The following PTGR1 variants were observed in gnomAD, a reference collection of about 807,000 sequenced individuals.
PTGR1 encodes prostaglandin reductase 1, also known as 15-oxoprostaglandin 13-reductase.
In PTGR1, 23 loss-of-function variants were observed where a neutral mutation model predicts 37.7. The ratio of observed to expected loss-of-function variants is 0.61; its 90% CI spans 0.44 to 0.86. PTGR1 has a LOEUF of 0.86. PTGR1 is among the 40% of genes least tolerant of loss of function. PTGR1 has a pLI of 0.00. For missense variants in PTGR1, 351 were observed against 394.3 expected, an observed-to-expected ratio of 0.89 and a Z score of 0.93; for synonymous variants, 134 against 140.0, an observed-to-expected ratio of 0.96 and a Z score of 0.30.
At chr9:111,580,439 C>A (rs2132400109) in intron 6 of PTGR1, among the ~76,000 whole-genome samples, 1 of 152,232 alleles carries the variant, frequency 6.6e-6, no homozygotes, top group South Asian at 2.1e-4. Context: ...TTTTCTTCCT[C>A]TTTTTTAACC....
chr9:111,572,756 CAAAAAAAA>C (rs58101079), intron 8 of PTGR1, among the ~76,000 whole-genome samples: 23 of 63,498 alleles, frequency 3.6e-4, no homozygotes, highest in East Asian at 2.0e-3. Context: ...GACCCTGTCT[CAAAAAAAA>C]AAAAAAAAAA....
At chr9:111,596,568 C>G (rs1829786278) in intron 2 of PTGR1, among the ~76,000 whole-genome samples, 1 of 148,432 alleles carries the variant, frequency 6.7e-6, no homozygotes, top group South Asian at 2.2e-4. Flanking sequence ...CTGGCCAACA[C>G]AGTGAAACTC....
intron 9 of PTGR1, among the ~76,000 whole-genome samples, chr9:111,555,698 C>G (rs973973822): frequency 1.3e-5 from 2 of 152,096 alleles, no homozygotes; most frequent in Non-Finnish European, 2.9e-5. Flanking sequence ...CTACACACTT[C>G]TAAACAACCA....
At chr9:111,594,177 C>T in intron 3 of PTGR1, 45 bp downstream of exon 3, 3 of 1,540,194 alleles carry the variant, frequency 1.9e-6, no homozygotes, top group Non-Finnish European at 1.8e-6. Flanking sequence ...TTCCAGATAG[C>T]ATTTAACACA....
chr9:111,591,991 A>G (rs1394901959), intron 4 of PTGR1, among the ~76,000 whole-genome samples: 1 of 152,180 alleles, frequency 6.6e-6, no homozygotes, highest in African/African-American at 2.4e-5. Context: ...CAAGATTCCT[A>G]TGCCAGAAAT....
At chr9:111,593,414 T>C (rs560978531) in intron 3 of PTGR1, among the ~76,000 whole-genome samples, 3 of 152,260 alleles carry the variant, frequency 2.0e-5, no homozygotes, top group African/African-American at 4.8e-5. Flanking sequence ...CAATCAGCTA[T>C]GAAAAAAATG....
At chr9:111,581,359 C>A (rs1053702780) in intron 6 of PTGR1, among the ~76,000 whole-genome samples, 48 of 152,214 alleles carry the variant, frequency 3.2e-4, no homozygotes, top group Middle Eastern at 3.4e-3. Flanking sequence ...AAGAAGAAAA[C>A]TGTTCTTCAT....
Position 111,578,968 on chromosome 9 carries a change from A to T in PTGR1, c.496-17T>A. The T allele has an allele frequency of 6.4e-7, 1 of 1,571,018 alleles. No homozygotes were observed. Among genetic ancestry groups the T allele is most frequent in the African/African-American group, 1.4e-5 (1 of 71,612 alleles). On this transcript the variant is annotated splice_polypyrimidine_tract_variant and intron_variant, in intron 6 of 9. Transcript: ENST00000407693. Reference sequence around the variant, plus strand: ...TTTGCAGCCCTAAGTAGAAAAAAAAAAAAAAAGGAAACCATGAATAAGTCA... The same window carrying T: ...TTTGCAGCCCTAAGTAGAAAAAAAATAAAAAAGGAAACCATGAATAAGTCA...
chr9:111,591,015 G>A (rs2132431440), intron 4 of PTGR1, among the ~76,000 whole-genome samples: 1 of 152,248 alleles, frequency 6.6e-6, no homozygotes, highest in Admixed American at 6.5e-5. Flanking sequence ...ATATAGGCCG[G>A]GCACGGTGGC....
chr9:111,552,216 T>C (rs1358111836), intron 9 of PTGR1, among the ~76,000 whole-genome samples: 1 of 152,208 alleles, frequency 6.6e-6, no homozygotes, highest in Non-Finnish European at 1.5e-5. Flanking sequence ...GTACAGGAAA[T>C]CCTTATAAAA....
chr9:111,549,722 T>C, exon 10 of PTGR1: 6 of 1,548,154 alleles, frequency 3.9e-6, no homozygotes, highest in Non-Finnish European at 5.2e-6. Context: ...CCTTGCCTTC[T>C]AAGGTAATGG....
chr9:111,599,518 G>C (rs1829881212), intron 1 of PTGR1, 85 bp downstream of exon 1: 2 of 152,494 alleles, frequency 1.3e-5, no homozygotes, highest in South Asian at 2.1e-4. Context: ...TCCTCCACTG[G>C]GGCGTCTAGA....
chr9:111,562,979 T>C lies in PTGR1; in HGVS notation c.*142A>G. 7.0e-7 allele frequency: 1 copy of C among 1,423,186 alleles called. No individual in the cohort carries two copies. The highest frequency in any genetic ancestry group is 9.2e-7 in the Non-Finnish European group (1 of 1,091,736). The allele number at this position is 1,423,186 out of a possible 1,614,324, so 88.2% of individuals were successfully genotyped here. On this transcript the variant is annotated 3_prime_UTR_variant, in exon 10 of 10. Transcript: ENST00000407693. ...CCTCCATCACTAATTACATACCACT[T>C]AAATGTATTTTATTAAGTAGCTCAA... is the stretch of plus-strand genomic sequence containing the variant.
intron 6 of PTGR1, among the ~76,000 whole-genome samples, chr9:111,582,636 C>T (rs1829317311): frequency 6.6e-6 from 1 of 152,208 alleles, no homozygotes; most frequent in South Asian, 2.1e-4. Flanking sequence ...ATAAATGCCG[C>T]AATGGCATTT....
intron 9 of PTGR1, among the ~76,000 whole-genome samples, chr9:111,556,424 TC>T (rs1347104514): frequency 3.3e-5 from 5 of 152,346 alleles, no homozygotes; most frequent in African/African-American, 1.2e-4. Flanking sequence ...TGTAGGGGGC[TC>T]CATCCCCATG....
At chr9:111,557,031 A>T (rs866481613) in intron 9 of PTGR1, among the ~76,000 whole-genome samples, 9 of 152,174 alleles carry the variant, frequency 5.9e-5, no homozygotes, top group Non-Finnish European at 4.4e-5. Context: ...CAGGCCTTTG[A>T]TGGAAAGGGC....
intron 7 of PTGR1, 33 bp downstream of exon 7, chr9:111,578,763 A>G: frequency 6.4e-7 from 1 of 1,568,634 alleles, no homozygotes. Context: ...TACTTCCATA[A>G]TAAATTAGAT....
chr9:111,596,618 G>A (rs1011124406), intron 2 of PTGR1, among the ~76,000 whole-genome samples: 4 of 151,442 alleles, frequency 2.6e-5, no homozygotes, highest in Admixed American at 2.0e-4. Context: ...AAAATTAGCC[G>A]GGCGTGTTGG....
At chr9:111,565,061 T>C (rs1308269330) in intron 9 of PTGR1, among the ~76,000 whole-genome samples, 2 of 151,122 alleles carry the variant, frequency 1.3e-5, no homozygotes, top group Non-Finnish European at 2.9e-5. Context: ...CAGGCGGAGG[T>C]TGCAGTGAAC....
Sources: allele counts gnomAD v4.1 joint callset (sites outside exome capture counted in the v4.1 genomes callset), GRCh38; gene constraint gnomAD v4.1.1; transcripts MANE v1.5; gene names NCBI Gene and HGNC (gene_info 2026-07-23, HGNC 2026-07-21).